GAP43: variants seen among roughly 807,000 people sequenced by gnomAD.
GAP43 encodes neuromodulin.
GAP43 carries 6 observed loss-of-function variants against 18.6 expected under a neutral mutation model. That is an observed-to-expected ratio of 0.32 (90% CI 0.18 to 0.64). The LOEUF is 0.64. GAP43 is among the 30% of genes least tolerant of loss of function. The pLI is 0.78. For missense variants in GAP43, 292 were observed against 295.5 expected (o/e 0.99, Z 0.09); for synonymous variants, 115 against 111.4 (o/e 1.03, Z -0.20).
chr3:115,707,254 C>T (rs1403959342), intron 2 of GAP43, among the ~76,000 whole-genome samples: 2 of 152,062 alleles, frequency 1.3e-5, no homozygotes, highest in African/African-American at 4.8e-5. Flanking sequence ...GTAATTTACT[C>T]AAGGTCATAG....
chr3:115,666,416 C>A (rs1708734022), intron 1 of GAP43, among the ~76,000 whole-genome samples: 1 of 152,082 alleles, frequency 6.6e-6, no homozygotes, highest in African/African-American at 2.4e-5. Context: ...GTCTCATGAC[C>A]AAATCTCCTC....
At chr3:115,693,820 T>G (rs1709146754) in intron 2 of GAP43, among the ~76,000 whole-genome samples, 1 of 152,110 alleles carries the variant, frequency 6.6e-6, no homozygotes, top group Admixed American at 6.5e-5. Context: ...GAGGATGGAT[T>G]GAAATGATCC....
chr3:115,696,970 C>A (rs534047992), intron 2 of GAP43, among the ~76,000 whole-genome samples: 1 of 151,854 alleles, frequency 6.6e-6, no homozygotes, highest in South Asian at 2.1e-4. Context: ...GTAGCAGGCA[C>A]TACAGGCGCC....
chr3:115,702,463 C>A (rs541367246), intron 2 of GAP43, among the ~76,000 whole-genome samples: 1 of 151,942 alleles, frequency 6.6e-6, no homozygotes, highest in Non-Finnish European at 1.5e-5. Context: ...TAGAAAACAG[C>A]AGAAATAAAT....
intron 1 of GAP43, among the ~76,000 whole-genome samples, chr3:115,631,523 T>G (rs1054800673): frequency 2.6e-5 from 4 of 152,216 alleles, no homozygotes; most frequent in African/African-American, 9.6e-5. Flanking sequence ...AGCACTAAAG[T>G]ATTCATGGCT....
At chr3:115,704,226 G>A (rs1709332151) in intron 2 of GAP43, among the ~76,000 whole-genome samples, 1 of 152,048 alleles carries the variant, frequency 6.6e-6, no homozygotes, top group Non-Finnish European at 1.5e-5. Context: ...GGCACTGGAG[G>A]TGAAGGGGGT....
At position 115,720,930 on chromosome 3, in the gene GAP43, C is replaced by G. The variant is rs371973267; in HGVS notation, c.*48C>G. Reference sequence around the variant, plus strand: ...ATCCCCACCCTCCCCTCTCCTGAGCCTGTCTCTCCCTACCCTCTTCTCAGC... The same window carrying G: ...ATCCCCACCCTCCCCTCTCCTGAGCGTGTCTCTCCCTACCCTCTTCTCAGC... On this transcript the variant is annotated 3_prime_UTR_variant, in exon 3 of 3. Coordinates refer to ENST00000305124, the MANE Select transcript of GAP43 (RefSeq NM_002045.4). The G allele has an allele frequency of 7.2e-5, 91 of 1,265,992 alleles. No homozygotes were observed. Among genetic ancestry groups the G allele is most frequent in the Non-Finnish European group, 1.0e-4 (90 of 869,872 alleles). 78.4% of individuals were successfully genotyped at this position (1,265,992 alleles called of 1,614,324 possible). A position where few individuals can be genotyped will look rare whatever the true frequency, so the allele number is the denominator to read the frequency against.
chr3:115,669,693 CAT>C (rs1436644990), intron 1 of GAP43, among the ~76,000 whole-genome samples: 1 of 152,170 alleles, frequency 6.6e-6, no homozygotes, highest in African/African-American at 2.4e-5. Context: ...GATACCACCT[CAT>C]ATTATTTTGG....
intron 2 of GAP43, among the ~76,000 whole-genome samples, chr3:115,688,230 C>T (rs1709059857): frequency 6.6e-6 from 1 of 152,120 alleles, no homozygotes; most frequent in Non-Finnish European, 1.5e-5. Context: ...GTTGGTTTCA[C>T]CAGGTCTCAA....
At chr3:115,642,390 G>A (rs911973776) in intron 1 of GAP43, among the ~76,000 whole-genome samples, 3 of 151,050 alleles carry the variant, frequency 2.0e-5, no homozygotes, top group Admixed American at 2.0e-4. Flanking sequence ...ACTATGCTGG[G>A]TACTGGAAAT....
chr3:115,637,863 A>T (rs901838253), intron 1 of GAP43, among the ~76,000 whole-genome samples: 1 of 151,982 alleles, frequency 6.6e-6, no homozygotes, highest in Non-Finnish European at 1.5e-5. Flanking sequence ...GAACCCTTAT[A>T]TCTTCTTTTT....
chr3:115,706,704 G>T (rs1243016514), intron 2 of GAP43, among the ~76,000 whole-genome samples: 1 of 151,980 alleles, frequency 6.6e-6, no homozygotes, highest in African/African-American at 2.4e-5. Flanking sequence ...TTGGACTTTG[G>T]TCTCTGACTT....
intron 2 of GAP43, among the ~76,000 whole-genome samples, chr3:115,697,139 A>G (rs938798991): frequency 3.3e-5 from 5 of 152,032 alleles, no homozygotes; most frequent in African/African-American, 1.2e-4. Context: ...ACACCCAGCC[A>G]ATTTTGTTAT....
intron 1 of GAP43, among the ~76,000 whole-genome samples, chr3:115,626,805 A>G (rs776785878): frequency 6.6e-5 from 10 of 152,090 alleles, no homozygotes; most frequent in Admixed American, 6.6e-5. Flanking sequence ...TCATGCAACA[A>G]ATAAATCTTA....
At chr3:115,719,047 A>T (rs978393105) in intron 2 of GAP43, among the ~76,000 whole-genome samples, 3 of 152,194 alleles carry the variant, frequency 2.0e-5, no homozygotes, top group Admixed American at 6.5e-5. Context: ...TTCCTAGTTT[A>T]ATCTCCTCAA....
At chr3:115,699,996 G>A (rs2107367170) in intron 2 of GAP43, among the ~76,000 whole-genome samples, 1 of 152,276 alleles carries the variant, frequency 6.6e-6, no homozygotes, top group South Asian at 2.1e-4. Context: ...ATACAGGCAA[G>A]TATAAGAAAG....
At chr3:115,698,099 AAT>A (rs1709229429) in intron 2 of GAP43, among the ~76,000 whole-genome samples, 1 of 40,472 alleles carries the variant, frequency 2.5e-5, no homozygotes, top group Non-Finnish European at 4.7e-5. Context: ...TATTATATAT[AAT>A]ATATAAAATA....
chr3:115,635,740 T>TCTTAAACAGGTCTTAAAAGTAA (rs1708321017), intron 1 of GAP43, among the ~76,000 whole-genome samples: 1 of 150,878 alleles, frequency 6.6e-6, no homozygotes, highest in African/African-American at 2.4e-5. Context: ...AAAAAATAAG[T>TCTTAAACAGGTCTTAAAAGTAA]GTGAGCACTA....
chr3:115,681,010 A>G (rs954938578), intron 2 of GAP43, among the ~76,000 whole-genome samples: 4 of 152,170 alleles, frequency 2.6e-5, no homozygotes, highest in African/African-American at 9.7e-5. Flanking sequence ...ATGTGGTTTC[A>G]ACCACTTCCT....
Sources: allele counts gnomAD v4.1 joint callset (sites outside exome capture counted in the v4.1 genomes callset), GRCh38; gene constraint gnomAD v4.1.1; transcripts MANE v1.5; gene names NCBI Gene and HGNC (gene_info 2026-07-23, HGNC 2026-07-21).